The following MTUS2 variants were observed in gnomAD, a reference collection of about 807,000 sequenced individuals.
MTUS2 encodes microtubule-associated tumor suppressor candidate 2.
In MTUS2, 40 loss-of-function variants were observed where a neutral mutation model predicts 114.1. The ratio of observed to expected loss-of-function variants is 0.35; its 90% CI spans 0.27 to 0.46. The LOEUF (loss-of-function observed/expected upper bound fraction) is 0.46. MTUS2 is among the 20% of genes least tolerant of loss of function. The pLI is 1.00. For missense variants in MTUS2, 1,679 were observed against 1,705.4 expected (o/e 0.98, Z 0.27); for synonymous variants, 688 against 672.0 (o/e 1.02, Z -0.37).
At chr13:29,091,264 A>G (rs1416012550) in intron 4 of MTUS2, among the ~76,000 whole-genome samples, 1 of 151,584 alleles carries the variant, frequency 6.6e-6, no homozygotes, top group African/African-American at 2.4e-5. Context: ...AATTACCCAC[A>G]CTCAGGTATT....
At chr13:29,002,366 C>T (rs1885422563) in intron 2 of MTUS2, among the ~76,000 whole-genome samples, 2 of 152,280 alleles carry the variant, frequency 1.3e-5, no homozygotes, top group African/African-American at 2.4e-5. Flanking sequence ...GTTTTCTGCT[C>T]TTGGCTGGTG....
chr13:29,448,633 G>C (rs1054705563), intron 9 of MTUS2, among the ~76,000 whole-genome samples: 1 of 151,362 alleles, frequency 6.6e-6, no homozygotes. Flanking sequence ...CCCCACCCAA[G>C]CCAGGCCACT....
intron 2 of MTUS2, among the ~76,000 whole-genome samples, chr13:29,015,767 A>G (rs1244868920): frequency 6.6e-6 from 1 of 152,228 alleles, no homozygotes; most frequent in Non-Finnish European, 1.5e-5. Context: ...ATTATATTAC[A>G]TGTATTTATA....
At chr13:29,131,377 G>T (rs1230300094) in intron 5 of MTUS2, among the ~76,000 whole-genome samples, 5 of 152,234 alleles carry the variant, frequency 3.3e-5, no homozygotes, top group African/African-American at 1.2e-4. Context: ...CTGGATATGA[G>T]ACAGCTAACT....
intron 4 of MTUS2, among the ~76,000 whole-genome samples, chr13:29,059,228 A>ATTTTTT (rs35369352): frequency 3.1e-5 from 3 of 97,124 alleles, no homozygotes; most frequent in Non-Finnish European, 5.8e-5. Context: ...TATTCTTTGG[A>ATTTTTT]TTTTTTTTTT....
Position 29,197,025 on chromosome 13 carries a change from T to C in MTUS2, c.2645-84679T>C, listed in dbSNP as rs942778882. The stretch of plus-strand genomic sequence containing the variant: ...GTTCTGTTTTTAATTTTTTGAGCAA[T>C]CACCATAGTATTTTCTACAGTGGGT... On this transcript the variant is annotated intron_variant, in intron 5 of 15. Transcript: ENST00000612955. 1.1e-4 allele frequency among the ~76,000 whole-genome samples: 16 copies of C among 152,274 alleles called. 1 individual carries two copies. The highest frequency in any genetic ancestry group is 1.0e-3 in the Admixed American group (16 of 15,288).
chr13:29,242,474 T>C, intron 5 of MTUS2: 1 of 165,270 alleles, frequency 6.1e-6, no homozygotes, highest in East Asian at 1.2e-4. Flanking sequence ...AATAGAACTA[T>C]ATTATAATTT....
intron 5 of MTUS2, among the ~76,000 whole-genome samples, chr13:29,150,241 T>C (rs563068660): frequency 6.6e-6 from 1 of 152,230 alleles, no homozygotes; most frequent in Non-Finnish European, 1.5e-5. Context: ...CTTCCCTTGT[T>C]AGCTGTGTTC....
At chr13:29,109,096 G>A (rs139550453) in intron 5 of MTUS2, among the ~76,000 whole-genome samples, 85 of 152,130 alleles carry the variant, frequency 5.6e-4, no homozygotes, top group Middle Eastern at 3.4e-3. Flanking sequence ...TTTATTTTTT[G>A]TTTTATTTTA....
intron 5 of MTUS2, among the ~76,000 whole-genome samples, chr13:29,139,020 A>C (rs927851463): frequency 1.3e-5 from 2 of 151,596 alleles, no homozygotes; most frequent in Non-Finnish European, 2.9e-5. Context: ...TTAATATGTT[A>C]AGTTCAGTTT....
chr13:29,096,388 A>G (rs1244663695), intron 4 of MTUS2, among the ~76,000 whole-genome samples: 2 of 152,222 alleles, frequency 1.3e-5, no homozygotes, highest in African/African-American at 4.8e-5. Context: ...CCTGGGGCAT[A>G]CATTATTCCA....
At chr13:29,467,627 AT>A (rs199884714) in intron 9 of MTUS2, among the ~76,000 whole-genome samples, 1 of 151,580 alleles carries the variant, frequency 6.6e-6, no homozygotes, top group East Asian at 1.9e-4. Context: ...CTTGGACAGC[AT>A]TTTTTTTTCT....
intron 5 of MTUS2, among the ~76,000 whole-genome samples, chr13:29,124,653 C>T (rs1039334350): frequency 6.6e-6 from 1 of 152,156 alleles, no homozygotes; most frequent in Non-Finnish European, 1.5e-5. Flanking sequence ...TTGTATTATT[C>T]ACAACAGTCA....
intron 2 of MTUS2, among the ~76,000 whole-genome samples, chr13:28,922,667 A>T (rs1881109708): frequency 6.6e-6 from 1 of 152,148 alleles, no homozygotes; most frequent in African/African-American, 2.4e-5. Context: ...CCAGGTGCGT[A>T]GATTCTTCAA....
At chr13:29,479,500 G>C (rs1264052012) in intron 9 of MTUS2, among the ~76,000 whole-genome samples, 1 of 152,224 alleles carries the variant, frequency 6.6e-6, no homozygotes, top group African/African-American at 2.4e-5. Context: ...AGCAAACCAT[G>C]AATCTGTGAT....
chr13:29,247,353 A>G (rs1341661509), intron 5 of MTUS2, among the ~76,000 whole-genome samples: 1 of 152,220 alleles, frequency 6.6e-6, no homozygotes, highest in Non-Finnish European at 1.5e-5. Flanking sequence ...GGCTTAGGCA[A>G]ATACTTCATG....
At chr13:29,388,744 TA>T (rs1872807219) in intron 8 of MTUS2, among the ~76,000 whole-genome samples, 1 of 152,068 alleles carries the variant, frequency 6.6e-6, no homozygotes, top group African/African-American at 2.4e-5. Flanking sequence ...TAAGTTGGGC[TA>T]AAAAATTAGA....
chr13:29,451,559 A>C (rs879383761), intron 9 of MTUS2, among the ~76,000 whole-genome samples: 6 of 151,912 alleles, frequency 3.9e-5, no homozygotes, highest in African/African-American at 7.3e-5. Context: ...AAGAAGGTTT[A>C]GATTTAGTAG....
intron 1 of MTUS2, among the ~76,000 whole-genome samples, chr13:28,826,105 T>A (rs1209273768): frequency 6.6e-6 from 1 of 152,194 alleles, no homozygotes; most frequent in East Asian, 1.9e-4. Context: ...GTATTACATA[T>A]AACCAATAAT....
Sources: allele counts gnomAD v4.1 joint callset (sites outside exome capture counted in the v4.1 genomes callset), GRCh38; gene constraint gnomAD v4.1.1; transcripts MANE v1.5; gene names NCBI Gene and HGNC (gene_info 2026-07-23, HGNC 2026-07-21).